Variants in GNA11 observed in about 807,000 individuals in gnomAD.
The protein encoded by GNA11 is G protein subunit alpha 11, also known as guanine nucleotide-binding protein subunit alpha-11.
Under a neutral mutation model 38.2 loss-of-function variants are expected in GNA11, and 8 were observed. That is an observed-to-expected ratio of 0.21 (90% CI 0.12 to 0.38). The LOEUF (loss-of-function observed/expected upper bound fraction) is 0.38, where lower values mean the gene tolerates loss of function less well. Among genes scored for constraint, GNA11 ranks in the 10% least tolerant of loss-of-function variants. The pLI is 1.00. For missense variants in GNA11, 268 were observed against 516.3 expected (o/e 0.52, Z 4.66); for synonymous variants, 211 against 221.4 (o/e 0.95, Z 0.42).
At position 3,118,923 on chromosome 19, in the gene GNA11, G is replaced by A. The variant is rs2145325866; in HGVS notation, c.606-1G>A. 1 of 1,613,886 alleles carries A rather than the reference G, an allele frequency of 6.2e-7. No homozygotes were observed. The highest frequency in any genetic ancestry group is 8.5e-7 in the Non-Finnish European group (1 of 1,179,842). On this transcript the variant is annotated splice_acceptor_variant, in intron 4 of 6. Coordinates refer to ENST00000078429, the MANE Select transcript of GNA11 (RefSeq NM_002067.5). LOFTEE classifies it high-confidence loss of function. ...TGAGTCCTGGCGCTGTGTCCTTTCA[G>A]GATGGTGGATGTGGGGGGCCAGCGG...
rs1913755925 is a variant in GNA11 at position 3,110,762 on chromosome 19, T to C, written c.321+429T>C. On this transcript the variant is annotated intron_variant, in intron 2 of 6. Coordinates refer to ENST00000078429, the MANE Select transcript of GNA11 (RefSeq NM_002067.5). The surrounding 1 kb of genome is among the most constrained non-coding windows in gnomAD (Gnocchi z 5.4). ...GCCCTGACACTCACCCATGGGGCTG[T>C]ACTTCTCACCTTCTCACACTGTTTT... Among the ~76,000 whole-genome samples, 1 of 152,092 alleles carries C rather than the reference T, an allele frequency of 6.6e-6. No individual in the cohort carries two copies. Among genetic ancestry groups the C allele is most frequent in the South Asian group, 2.1e-4 (1 of 4,826 alleles).
intron 4 of GNA11, 185 bp downstream of exon 4, chr19:3,115,257 T>G: frequency 8.8e-6 from 5 of 568,216 alleles, no homozygotes; most frequent in Non-Finnish European, 6.1e-6. Flanking sequence ...TTTTAAAAAT[T>G]AGCTGGGCGT....
intron 1 of GNA11, among the ~76,000 whole-genome samples, chr19:3,095,082 T>A (rs1481990246): frequency 6.6e-6 from 1 of 150,636 alleles, no homozygotes; most frequent in East Asian, 2.0e-4. Context: ...CAGCCCTGCC[T>A]TTGCTGTCTA....
At chr19:3,096,249 T>C (rs1913361540) in intron 1 of GNA11, among the ~76,000 whole-genome samples, 1 of 147,330 alleles carries the variant, frequency 6.8e-6, no homozygotes, top group African/African-American at 2.5e-5. Context: ...TGTTTTGATT[T>C]ACCTAAGGGT....
chr19:3,110,268 G>A lies in GNA11; in HGVS notation c.256G>A (p.Ala86Thr), dbSNP rs374089777. ...GCTCGTCTACCAGAACATCTTCACCGCCATGCAGGCCATGATCCGGGCCAT... is the reference window on the plus strand; with the variant it reads ...GCTCGTCTACCAGAACATCTTCACCACCATGCAGGCCATGATCCGGGCCAT... ...TKLVYQNIFT[A>T]MQAMIRAMET... Residue 86 changes from alanine to threonine, a missense_variant, in exon 2 of 7, where the codon GCC becomes ACC. Coordinates refer to ENST00000078429, the MANE Select transcript of GNA11 (RefSeq NM_002067.5). The surrounding 1 kb of genome is among the most constrained non-coding windows in gnomAD (Gnocchi z 5.4). 1.2e-5 allele frequency: 19 copies of A among 1,613,892 alleles called. No homozygotes were observed. Among genetic ancestry groups the A allele is most frequent in the Admixed American group, 3.3e-5 (2 of 60,006 alleles).
intron 1 of GNA11, among the ~76,000 whole-genome samples, chr19:3,102,141 G>T (rs1478543870): frequency 6.6e-6 from 1 of 151,430 alleles, no homozygotes; most frequent in South Asian, 2.1e-4. Context: ...AAAAAAAAAC[G>T]TAGAAAACAT....
At chr19:3,115,127 G>A (rs926240701) in intron 4 of GNA11, 55 bp downstream of exon 4, 119 of 1,579,318 alleles carry the variant, frequency 7.5e-5, no homozygotes, top group Non-Finnish European at 8.5e-5. Flanking sequence ...TCATTTGCCC[G>A]GTGTGCCGGC....
At chr19:3,106,680 CAT>C (rs1462400998) in intron 1 of GNA11, among the ~76,000 whole-genome samples, 6 of 152,240 alleles carry the variant, frequency 3.9e-5, no homozygotes, top group African/African-American at 1.4e-4. Flanking sequence ...GTACGGGCTG[CAT>C]GTGTGTGTAC....
rs575713021 is a variant in GNA11 at position 3,118,718 on chromosome 19, G to A, written c.606-206G>A. 2.0e-5 allele frequency: 11 copies of A among 546,832 alleles called. No individual in the cohort carries two copies. In the South Asian group the frequency reaches 2.8e-4, roughly 14 times the overall value. The allele number at this position is 546,832 out of a possible 1,614,324, so 33.9% of individuals were successfully genotyped here. ...AGTGGTCTCAGGCCCCTTTGCCAGT[G>A]AGGGAAGGGTCTGCGGTGGTCACCC... On this transcript the variant is annotated intron_variant, in intron 4 of 6. Coordinates refer to ENST00000078429, the MANE Select transcript of GNA11 (RefSeq NM_002067.5).
Position 3,123,934 on chromosome 19 carries a change from T to C in GNA11, c.*2755T>C, listed in dbSNP as rs1161937112. ...CCCTTAATCCAGACACCGATGGAAG[T>C]CGACTTTTCATATCTTTCTCCTGAA... On this transcript the variant is annotated 3_prime_UTR_variant, in exon 7 of 7. Transcript: ENST00000078429. The C allele has an allele frequency of 1.3e-5, 3 of 231,024 alleles. No individual in the cohort carries two copies. Among genetic ancestry groups the C allele is most frequent in the Non-Finnish European group, 2.6e-5 (3 of 116,724 alleles). The allele number at this position is 231,024 out of a possible 1,614,324, so 14.3% of individuals were successfully genotyped here. A position where few individuals can be genotyped will look rare whatever the true frequency, so the allele number is the denominator to read the frequency against.
At chr19:3,100,789 C>T (rs1332476180) in intron 1 of GNA11, among the ~76,000 whole-genome samples, 1 of 152,218 alleles carries the variant, frequency 6.6e-6, no homozygotes, top group East Asian at 1.9e-4. Flanking sequence ...CCTCAGTTTC[C>T]CCATCGGTCA....
rs770697543 is a variant in GNA11, at chr19:3,113,425, G to A, written c.417G>A (p.Pro139=). ...CCATCAAGACCCTGTGGGAGGACCC[G>A]GGCATCCAGGAATGCTACGACCGCA... is the stretch of plus-strand genomic sequence containing the variant. ...VSAIKTLWED[P]GIQECYDRRR... The change falls in exon 3 of 7, where the codon CCG becomes CCA. Residue 139 remains proline, a synonymous_variant. Transcript: ENST00000078429. 55 of 1,613,026 alleles carry A rather than the reference G, an allele frequency of 3.4e-5. No individual in the cohort carries two copies. Among genetic ancestry groups the A allele is most frequent in the Admixed American group, 5.0e-5 (3 of 59,962 alleles).
At position 3,119,272 on chromosome 19, in the gene GNA11, T is replaced by A; in HGVS notation, c.802T>A (p.Ser268Thr). The A allele has an allele frequency of 6.2e-7, 1 of 1,613,730 alleles. No homozygotes were observed. ...CACCTACCCCTGGTTCCAGAACTCC[T>A]CCGTCATCCTCTTCCTCAACAAGAA... ...IITYPWFQNS[S>T]VILFLNKKDL... Residue 268 changes from serine (S) to threonine (T), a missense_variant, in exon 6 of 7, where the codon TCC becomes ACC. Ser to Thr is a moderately conservative substitution (Grantham distance 58). Around this residue, in one of 3 missense-constraint regions of GNA11, gnomAD observed 92 missense variants for 166.7 expected, o/e 0.55. Transcript: ENST00000078429. The surrounding 1 kb of genome is among the most constrained non-coding windows in gnomAD (Gnocchi z 4.6).
intron 1 of GNA11, among the ~76,000 whole-genome samples, chr19:3,101,699 G>T (rs907823189): frequency 1.3e-5 from 2 of 152,194 alleles, no homozygotes; most frequent in East Asian, 3.8e-4. Context: ...CCACAACTGG[G>T]TTAGATGGGC....
chr19:3,100,962 T>C (rs937817986), intron 1 of GNA11, among the ~76,000 whole-genome samples: 3 of 152,116 alleles, frequency 2.0e-5, no homozygotes, highest in Non-Finnish European at 4.4e-5. Context: ...GCGGTGGTGC[T>C]CCCTGGATGG....
At chr19:3,098,006 C>T (rs1381426996) in intron 1 of GNA11, among the ~76,000 whole-genome samples, 1 of 152,214 alleles carries the variant, frequency 6.6e-6, no homozygotes, top group African/African-American at 2.4e-5. Flanking sequence ...TAGCGTACAA[C>T]GTAAAATGCT....
Position 3,109,254 on chromosome 19 carries a change from G to A in GNA11, c.137-895G>A, listed in dbSNP as rs549428975. 1.1e-3 allele frequency among the ~76,000 whole-genome samples: 162 copies of A among 152,356 alleles called. 1 individual carries two copies. Among genetic ancestry groups the A allele is most frequent in the Non-Finnish European group, 1.8e-3 (120 of 68,030 alleles). On this transcript the variant is annotated intron_variant, in intron 1 of 6. Transcript: ENST00000078429. ...GGAGGTGACCAGGTGAGAGGCAGAG[G>A]CAGGAGAGGGGCTGGAGTGAGGACC...
At chr19:3,104,249 G>A (rs1031185083) in intron 1 of GNA11, among the ~76,000 whole-genome samples, 2 of 152,212 alleles carry the variant, frequency 1.3e-5, no homozygotes, top group Admixed American at 1.3e-4. Flanking sequence ...CACGGACTTC[G>A]TTCCTCCTGG....
At position 3,122,425 on chromosome 19, in the gene GNA11, G is replaced by T. The variant is rs550363547; in HGVS notation, c.*1246G>T. The T allele has an allele frequency of 1.7e-5, 4 of 231,122 alleles. No individual in the cohort carries two copies. Among genetic ancestry groups the T allele is most frequent in the Non-Finnish European group, 2.6e-5 (3 of 116,754 alleles). 14.3% of individuals were successfully genotyped at this position (231,122 alleles called of 1,614,324 possible). ...GCAGCTTCCAGGCCTGGCTGGCCAC[G>T]ACCACGGCCCGAGGGGGAGCCCGCC... On this transcript the variant is annotated 3_prime_UTR_variant, in exon 7 of 7. Transcript: ENST00000078429. This position sits in a 1 kb window ranked among gnomAD's most constrained non-coding sequence, Gnocchi z 7.7.
Sources: allele counts gnomAD v4.1 joint callset (sites outside exome capture counted in the v4.1 genomes callset), GRCh38; gene constraint gnomAD v4.1.1; regional missense constraint gnomAD v4.1.1; non-coding constraint Gnocchi (gnomAD v3.1); transcripts MANE v1.5; gene names NCBI Gene and HGNC (gene_info 2026-07-23, HGNC 2026-07-21).